Variants in CTNNA3 observed in about 807,000 individuals in gnomAD.
CTNNA3 encodes the protein catenin alpha 3, also known as catenin alpha-3.
A neutral mutation model predicts 95.7 loss-of-function variants in CTNNA3; 76 were observed. The ratio of observed to expected loss-of-function variants is 0.79; its 90% CI spans 0.66 to 0.96. The LOEUF (loss-of-function observed/expected upper bound fraction) is 0.96, where lower values mean the gene tolerates loss of function less well. Among genes scored for constraint, CTNNA3 ranks in the 40% least tolerant of loss-of-function variants. CTNNA3 has a pLI of 0.00. For missense variants in CTNNA3, 1,191 were observed against 1,089.8 expected (o/e 1.09, Z -1.31); for synonymous variants, 431 against 374.4 (o/e 1.15, Z -1.74).
In CTNNA3 at chr10:67,133,376, T is replaced by TAC. The variant is rs1429660924; in HGVS notation, c.1047+46940_1047+46941insGT. ...ATACATACATACATACATATATATA[T>TAC]ATACACACACACACACACACACACA... On this transcript the variant is annotated intron_variant, in intron 7 of 17. Coordinates refer to ENST00000433211, the MANE Select transcript of CTNNA3 (RefSeq NM_013266.4). 4.2e-4 allele frequency among the ~76,000 whole-genome samples: 56 copies of TAC among 133,374 alleles called. 1 individual carries two copies. Among genetic ancestry groups the TAC allele is most frequent in the African/African-American group, 1.6e-3 (53 of 34,140 alleles). The allele number at this position is 133,374 out of a possible 152,430, so 87.5% of individuals were successfully genotyped here.
At chr10:66,752,028 A>G (rs1839163376) in intron 9 of CTNNA3, among the ~76,000 whole-genome samples, 1 of 152,160 alleles carries the variant, frequency 6.6e-6, no homozygotes, top group Non-Finnish European at 1.5e-5. Flanking sequence ...ATCCTTTTTA[A>G]ACTAATATAA....
intron 9 of CTNNA3, among the ~76,000 whole-genome samples, chr10:66,737,700 A>G (rs10430511): frequency 0.59 from 88,908 of 150,846 alleles, 26,565 homozygotes; most frequent in East Asian, 0.74. Context: ...TCGCTCTGTC[A>G]CCAGGCTCGA....
At chr10:66,155,241 T>A (rs1250878534) in intron 13 of CTNNA3, among the ~76,000 whole-genome samples, 1 of 151,788 alleles carries the variant, frequency 6.6e-6, no homozygotes, top group East Asian at 1.9e-4. Context: ...TCTTGTATCT[T>A]AACAGTAACT....
In CTNNA3 at chr10:66,738,770, C is replaced by T. The variant is rs192159184; in HGVS notation, c.1281+27494G>A. On this transcript the variant is annotated intron_variant, in intron 9 of 17. Transcript: ENST00000433211. Reference sequence around the variant, plus strand: ...AAACCCAGATTAAGTGAGATTGTATCATCTCCTGTTTCCCTAATCCTTGCA... The same window carrying T: ...AAACCCAGATTAAGTGAGATTGTATTATCTCCTGTTTCCCTAATCCTTGCA... Among the ~76,000 whole-genome samples, 312 of 152,308 alleles carry T rather than the reference C, an allele frequency of 2.0e-3. 2 individuals are homozygous for T. Among genetic ancestry groups the T allele is most frequent in the Non-Finnish European group, 2.2e-3 (149 of 68,032 alleles).
intron 5 of CTNNA3, among the ~76,000 whole-genome samples, chr10:67,440,047 C>A (rs1846443738): frequency 6.6e-6 from 1 of 152,014 alleles, no homozygotes; most frequent in African/African-American, 2.4e-5. Context: ...GTCCTTGAGT[C>A]CAGACCTAGG....
chr10:66,400,245 T>A (rs2093010009), intron 11 of CTNNA3, among the ~76,000 whole-genome samples: 1 of 152,090 alleles, frequency 6.6e-6, no homozygotes, highest in Admixed American at 6.6e-5. Flanking sequence ...TTACCATTAA[T>A]ATCCTACAGA....
intron 7 of CTNNA3, among the ~76,000 whole-genome samples, chr10:66,977,627 G>A (rs1401673465): frequency 1.3e-5 from 2 of 152,128 alleles, no homozygotes; most frequent in Non-Finnish European, 2.9e-5. Context: ...TTCCAAATGT[G>A]CTCTAAATTT....
chr10:66,127,724 TATGA>T (rs1360323496), intron 13 of CTNNA3, among the ~76,000 whole-genome samples: 1 of 152,212 alleles, frequency 6.6e-6, no homozygotes, highest in Non-Finnish European at 1.5e-5. Context: ...AAAAGTACTA[TATGA>T]ATGAAGATGT....
intron 5 of CTNNA3, among the ~76,000 whole-genome samples, chr10:67,368,791 A>G (rs566075359): frequency 6.6e-6 from 1 of 152,350 alleles, no homozygotes; most frequent in Non-Finnish European, 1.5e-5. Flanking sequence ...ATGTCTATAA[A>G]ATTCCAGAAA....
chr10:67,024,647 C>T (rs918805572), intron 7 of CTNNA3, among the ~76,000 whole-genome samples: 3 of 152,018 alleles, frequency 2.0e-5, no homozygotes, highest in African/African-American at 2.4e-5. Context: ...TGGGTGTAAC[C>T]AGCAAAAGTT....
At chr10:66,523,395 C>A (rs1841136670) in intron 10 of CTNNA3, among the ~76,000 whole-genome samples, 2 of 152,154 alleles carry the variant, frequency 1.3e-5, no homozygotes, top group Non-Finnish European at 2.9e-5. Context: ...TATGAAGAAG[C>A]TTTATCCTAC....
At chr10:67,261,865 G>A (rs932545290) in intron 5 of CTNNA3, among the ~76,000 whole-genome samples, 1 of 152,066 alleles carries the variant, frequency 6.6e-6, no homozygotes, top group Non-Finnish European at 1.5e-5. Context: ...TCATGTTGGG[G>A]ATTTTTTTCT....
chr10:65,962,032 G>A (rs775972347), intron 17 of CTNNA3, among the ~76,000 whole-genome samples: 1 of 152,014 alleles, frequency 6.6e-6, no homozygotes, highest in Non-Finnish European at 1.5e-5. Flanking sequence ...TTATGGAGAT[G>A]GTAAACTCCC....
At chr10:67,327,512 C>T (rs755209956) in intron 5 of CTNNA3, among the ~76,000 whole-genome samples, 17 of 152,188 alleles carry the variant, frequency 1.1e-4, no homozygotes, top group Non-Finnish European at 1.9e-4. Context: ...TAGCTCCCAA[C>T]TCCTGGACTG....
At chr10:66,414,534 G>C (rs1210744100) in intron 11 of CTNNA3, among the ~76,000 whole-genome samples, 1 of 152,150 alleles carries the variant, frequency 6.6e-6, no homozygotes, top group Non-Finnish European at 1.5e-5. Context: ...AACTAACATA[G>C]GGAGTTGCAA....
At chr10:67,295,957 T>C (rs1840014214) in intron 5 of CTNNA3, among the ~76,000 whole-genome samples, 1 of 152,178 alleles carries the variant, frequency 6.6e-6, no homozygotes. Context: ...ATGCTCAGGA[T>C]GCGCAGTTCA....
chr10:66,946,104 A>G (rs1848259423), intron 7 of CTNNA3, among the ~76,000 whole-genome samples: 1 of 152,192 alleles, frequency 6.6e-6, no homozygotes, highest in African/African-American at 2.4e-5. Context: ...GACTTGCTTG[A>G]AACAGGGTTG....
chr10:66,448,754 C>A lies in CTNNA3; in HGVS notation c.1532-69402G>T, dbSNP rs550100142. ...ATGACGAGTTAATGGGTGCAGCACA[C>A]CAACATGGCACATGTATACATATGT... On this transcript the variant is annotated intron_variant, in intron 11 of 17. Coordinates refer to ENST00000433211, the MANE Select transcript of CTNNA3 (RefSeq NM_013266.4). 1.1e-4 allele frequency among the ~76,000 whole-genome samples: 16 copies of A among 152,004 alleles called. No individual in the cohort carries two copies. In the East Asian group the frequency reaches 3.1e-3, roughly 29 times the overall value.
chr10:66,046,866 C>T (rs898852809), intron 15 of CTNNA3, among the ~76,000 whole-genome samples: 2 of 152,040 alleles, frequency 1.3e-5, no homozygotes, highest in African/African-American at 4.8e-5. Flanking sequence ...GGCACACAAA[C>T]TAGAAAATCT....
Sources: allele counts gnomAD v4.1 joint callset (sites outside exome capture counted in the v4.1 genomes callset), GRCh38; gene constraint gnomAD v4.1.1; transcripts MANE v1.5; gene names NCBI Gene and HGNC (gene_info 2026-07-23, HGNC 2026-07-21).